The following DNM3 variants were observed in gnomAD, a reference collection of about 807,000 sequenced individuals.
DNM3 encodes dynamin-3.
DNM3 carries 47 observed loss-of-function variants against 101.6 expected under a neutral mutation model. The observed-to-expected ratio is 0.46, with a 90% CI of 0.37 to 0.59. DNM3 has a LOEUF of 0.59. Among genes scored for constraint, DNM3 ranks in the 20% least tolerant of loss-of-function variants. The pLI is 0.00. For missense variants in DNM3, 849 were observed against 1,085.7 expected, an observed-to-expected ratio of 0.78 and a Z score of 3.06; for synonymous variants, 385 against 387.9, an observed-to-expected ratio of 0.99 and a Z score of 0.09.
intron 14 of DNM3, among the ~76,000 whole-genome samples, chr1:172,165,466 A>C (rs2148315050): frequency 6.6e-6 from 1 of 152,184 alleles, no homozygotes; most frequent in South Asian, 2.1e-4. Flanking sequence ...TATAGGTTGC[A>C]GTTCAAATTT....
intron 1 of DNM3, among the ~76,000 whole-genome samples, chr1:171,896,734 G>A (rs143019649): frequency 6.6e-6 from 1 of 151,978 alleles, no homozygotes; most frequent in African/African-American, 2.4e-5. Flanking sequence ...CAAAACACTT[G>A]CAATTTTTTT....
At chr1:172,291,972 C>T (rs1056601035) in intron 15 of DNM3, among the ~76,000 whole-genome samples, 1 of 152,004 alleles carries the variant, frequency 6.6e-6, no homozygotes, top group African/African-American at 2.4e-5. Flanking sequence ...AGGATGGGCC[C>T]AGACTAACAC....
At chr1:172,325,002 C>G (rs1001271868) in intron 17 of DNM3, among the ~76,000 whole-genome samples, 1 of 152,002 alleles carries the variant, frequency 6.6e-6, no homozygotes, top group Non-Finnish European at 1.5e-5. Context: ...GTGGATTCAC[C>G]GATGAGTTAA....
At chr1:172,051,961 A>G (rs1054772774) in intron 10 of DNM3, among the ~76,000 whole-genome samples, 6 of 152,094 alleles carry the variant, frequency 3.9e-5, no homozygotes, top group East Asian at 3.8e-4. Context: ...TGGTGCCCCA[A>G]TATATTCATG....
intron 1 of DNM3, among the ~76,000 whole-genome samples, chr1:171,894,584 G>C (rs116589588): frequency 0.014 from 2,113 of 151,654 alleles, 58 homozygotes; most frequent in African/African-American, 0.047. Flanking sequence ...TGTTTGTATT[G>C]ATTGATTAAT....
intron 16 of DNM3, among the ~76,000 whole-genome samples, chr1:172,311,730 T>C (rs1339485282): frequency 2.6e-5 from 4 of 152,168 alleles, no homozygotes; most frequent in Admixed American, 2.6e-4. Context: ...GACAAAGAAA[T>C]ATTTTCTATT....
At chr1:172,070,014 G>A (rs1361278218) in intron 11 of DNM3, among the ~76,000 whole-genome samples, 2 of 152,088 alleles carry the variant, frequency 1.3e-5, no homozygotes, top group Non-Finnish European at 2.9e-5. Flanking sequence ...GAAGGACAGA[G>A]GGATGGAGAC....
At chr1:172,092,488 T>C (rs1484084755) in intron 12 of DNM3, among the ~76,000 whole-genome samples, 2 of 152,238 alleles carry the variant, frequency 1.3e-5, no homozygotes, top group Admixed American at 6.5e-5. Context: ...ACATGGCATA[T>C]ACTCAATAAT....
chr1:172,411,537 G>GT lies in DNM3; in HGVS notation c.*3697dup, dbSNP rs553623841. On this transcript the variant is annotated 3_prime_UTR_variant, in exon 21 of 21. Transcript: ENST00000627582. ...TAGTCATTTTTCCTCTATGGTAGAAGTAAAAAAAAAAAAAAAGGACATAGC... is the reference window on the plus strand; with the variant it reads ...TAGTCATTTTTCCTCTATGGTAGAAGTTAAAAAAAAAAAAAAAGGACATAGC... 3.4e-4 allele frequency: 297 copies of GT among 886,488 alleles called. No homozygotes were observed. The African/African-American group carries it at 5.5e-3, about 16-fold the overall frequency. The allele number at this position is 886,488 out of a possible 1,614,324, so 54.9% of individuals were successfully genotyped here.
rs867616247 is a variant in DNM3 at position 171,933,537 on chromosome 1, A to G, written c.235+11716A>G. Reference sequence around the variant, plus strand: ...AAGCCACGCTGATATTTATGTAGGCAGAGGTAAGTTAGAAGGTTGTAGATG... The same window carrying G: ...AAGCCACGCTGATATTTATGTAGGCGGAGGTAAGTTAGAAGGTTGTAGATG... On this transcript the variant is annotated intron_variant, in intron 2 of 20. Transcript: ENST00000627582. Among the ~76,000 whole-genome samples the G allele has an allele frequency of 5.3e-5, 8 of 152,306 alleles. 1 individual carries two copies. Among genetic ancestry groups the G allele is most frequent in the Middle Eastern group, 6.8e-3 (2 of 294 alleles).
intron 2 of DNM3, among the ~76,000 whole-genome samples, chr1:171,934,312 G>A (rs2041247944): frequency 6.6e-6 from 1 of 152,128 alleles, no homozygotes; most frequent in Admixed American, 6.5e-5. Context: ...TCTTATTTAA[G>A]CATCCTTGCA....
At chr1:172,073,850 G>T (rs2052418649) in intron 11 of DNM3, among the ~76,000 whole-genome samples, 1 of 152,194 alleles carries the variant, frequency 6.6e-6, no homozygotes, top group African/African-American at 2.4e-5. Flanking sequence ...GTAGAAAGAG[G>T]AAGTCAGTTT....
chr1:172,380,439 T>C (rs561924734), intron 18 of DNM3, among the ~76,000 whole-genome samples: 1 of 152,234 alleles, frequency 6.6e-6, no homozygotes, highest in African/African-American at 2.4e-5. Flanking sequence ...AACAATCTTA[T>C]TTTTAACTAA....
intron 14 of DNM3, 92 bp downstream of exon 14, chr1:172,131,380 A>C (rs925417142): frequency 2.8e-6 from 3 of 1,057,378 alleles, no homozygotes; most frequent in Non-Finnish European, 4.2e-6. Flanking sequence ...TTGAGACACC[A>C]GTGGTTCTCT....
chr1:171,847,892 C>G (rs200397217), intron 1 of DNM3, among the ~76,000 whole-genome samples: 75,744 of 136,714 alleles, frequency 0.55, 20,027 homozygotes, highest in East Asian at 0.76. Context: ...CTCTCTCTCT[C>G]TCTCTGTGTG....
intron 17 of DNM3, among the ~76,000 whole-genome samples, chr1:172,374,597 T>C (rs917761540): frequency 3.9e-5 from 6 of 152,112 alleles, no homozygotes; most frequent in Admixed American, 2.0e-4. Flanking sequence ...TGTATTTACA[T>C]TGAACTTTGA....
intron 20 of DNM3, chr1:172,399,866 G>A (rs1217611130): frequency 6.6e-6 from 1 of 150,640 alleles, no homozygotes; most frequent in Admixed American, 6.6e-5. Context: ...AAATGTTGGT[G>A]CTACACAACT....
intron 4 of DNM3, among the ~76,000 whole-genome samples, chr1:172,016,265 G>C (rs1012604692): frequency 1.3e-5 from 2 of 151,890 alleles, no homozygotes; most frequent in African/African-American, 4.8e-5. Context: ...ATCAAGTTGA[G>C]AAAGTTACCC....
intron 2 of DNM3, among the ~76,000 whole-genome samples, chr1:171,960,675 TA>T (rs1465891070): frequency 1.3e-5 from 2 of 151,952 alleles, no homozygotes; most frequent in Admixed American, 1.3e-4. Flanking sequence ...AGGAGAGCAG[TA>T]AAGGATAAAG....
Sources: allele counts gnomAD v4.1 joint callset (sites outside exome capture counted in the v4.1 genomes callset), GRCh38; gene constraint gnomAD v4.1.1; transcripts MANE v1.5; gene names NCBI Gene and HGNC (gene_info 2026-07-23, HGNC 2026-07-21).